Variants in SUGCT observed in about 807,000 individuals in gnomAD.
SUGCT encodes succinyl-CoA:glutarate-CoA transferase.
Under a neutral mutation model 55.0 loss-of-function variants are expected in SUGCT, and 41 were observed. The observed-to-expected ratio is 0.74, with a 90% CI of 0.58 to 0.97. SUGCT has a LOEUF of 0.97. SUGCT is among the 50% of genes least tolerant of loss of function. The pLI, the probability that SUGCT is intolerant of heterozygous loss-of-function variation, is 0.00. For missense variants in SUGCT, 568 were observed against 547.8 expected (o/e 1.04, Z -0.37); for synonymous variants, 187 against 200.4 (o/e 0.93, Z 0.56).
chr7:40,569,529 A>G (rs1370528440), intron 12 of SUGCT, among the ~76,000 whole-genome samples: 2 of 152,168 alleles, frequency 1.3e-5, no homozygotes, highest in Non-Finnish European at 2.9e-5. Context: ...GGTAGCTCTT[A>G]AGGGTGTCAG....
At chr7:40,496,227 A>C in intron 11 of SUGCT, 57 bp from the exon 12 acceptor site, 1 of 1,086,420 alleles carries the variant, frequency 9.2e-7, no homozygotes, top group Middle Eastern at 2.0e-4. Flanking sequence ...ACATGATAGA[A>C]GAGGCTGTGT....
chr7:40,535,879 A>G (rs956303047), intron 12 of SUGCT, among the ~76,000 whole-genome samples: 5 of 152,170 alleles, frequency 3.3e-5, no homozygotes, highest in South Asian at 2.1e-4. Flanking sequence ...GTGAGATGTT[A>G]TCTCATTGTG....
intron 8 of SUGCT, among the ~76,000 whole-genome samples, chr7:40,284,175 A>G (rs1278377591): frequency 1.3e-5 from 2 of 152,142 alleles, no homozygotes; most frequent in African/African-American, 2.4e-5. Context: ...GATGATGGTC[A>G]AAGGGGCAAA....
chr7:41,014,466 C>T, the SUGCT span, among the ~76,000 whole-genome samples: 8 of 152,142 alleles, frequency 5.3e-5, no homozygotes, highest in African/African-American at 1.9e-4. Context: ...GAGAAGGGGC[C>T]TATTATAATC....
At chr7:40,369,526 A>G (rs1784183334) in intron 9 of SUGCT, among the ~76,000 whole-genome samples, 2 of 152,098 alleles carry the variant, frequency 1.3e-5, no homozygotes, top group Admixed American at 1.3e-4. Context: ...CTGGCCCCTT[A>G]TGGAATATTA....
At chr7:40,745,613 C>T (rs1186541870) in intron 12 of SUGCT, among the ~76,000 whole-genome samples, 1 of 152,080 alleles carries the variant, frequency 6.6e-6, no homozygotes, top group Non-Finnish European at 1.5e-5. Flanking sequence ...CAATTCTATT[C>T]TTGTCAAGAA....
chr7:40,522,320 C>A (rs1343166818), intron 12 of SUGCT, among the ~76,000 whole-genome samples: 2 of 152,100 alleles, frequency 1.3e-5, no homozygotes, highest in Non-Finnish European at 2.9e-5. Context: ...TTAGAGAGGT[C>A]TGAGTTTTAG....
At chr7:40,668,520 A>G (rs566478420) in intron 12 of SUGCT, among the ~76,000 whole-genome samples, 2 of 152,326 alleles carry the variant, frequency 1.3e-5, no homozygotes, top group South Asian at 4.1e-4. Flanking sequence ...CAGAATAAAT[A>G]TTTGTACTTT....
At chr7:40,740,305 T>C (rs1482725722) in intron 12 of SUGCT, among the ~76,000 whole-genome samples, 1 of 152,010 alleles carries the variant, frequency 6.6e-6, no homozygotes, top group Non-Finnish European at 1.5e-5. Context: ...AGTATTTTTG[T>C]ATATTTTCTT....
intron 9 of SUGCT, among the ~76,000 whole-genome samples, chr7:40,372,923 G>A (rs977851828): frequency 1.3e-5 from 2 of 151,932 alleles, no homozygotes; most frequent in African/African-American, 4.8e-5. Flanking sequence ...ATATTGATTT[G>A]TCATGAAAAG....
intron 6 of SUGCT, among the ~76,000 whole-genome samples, chr7:40,204,847 T>C (rs1347657454): frequency 2.6e-5 from 4 of 151,262 alleles, no homozygotes; most frequent in South Asian, 4.2e-4. Context: ...GGTGGGAGGA[T>C]CATTTGAGCC....
chr7:40,572,499 C>T (rs1039632848), intron 12 of SUGCT, among the ~76,000 whole-genome samples: 2 of 151,828 alleles, frequency 1.3e-5, no homozygotes, highest in Admixed American at 6.6e-5. Flanking sequence ...AAGGGGAGCA[C>T]GTGCGGTGTG....
intron 12 of SUGCT, among the ~76,000 whole-genome samples, chr7:40,688,148 A>G (rs1784545395): frequency 6.6e-6 from 1 of 152,222 alleles, no homozygotes; most frequent in South Asian, 2.1e-4. Flanking sequence ...TTTGATAAGC[A>G]GAGACCTCGG....
At chr7:41,031,045 TC>T in the SUGCT span, among the ~76,000 whole-genome samples, 1 of 152,172 alleles carries the variant, frequency 6.6e-6, no homozygotes, top group Admixed American at 6.5e-5. Flanking sequence ...CACAGCAACT[TC>T]CGTCTCCCGG....
chr7:40,220,135 G>A (rs1242693899), intron 6 of SUGCT, among the ~76,000 whole-genome samples: 1 of 152,152 alleles, frequency 6.6e-6, no homozygotes, highest in African/African-American at 2.4e-5. Flanking sequence ...GGTATGTGAT[G>A]TTATCTTCCC....
chr7:40,557,807 A>G (rs897110701), intron 12 of SUGCT, among the ~76,000 whole-genome samples: 7 of 151,886 alleles, frequency 4.6e-5, no homozygotes, highest in East Asian at 3.9e-4. Flanking sequence ...AAAAGACACT[A>G]TCTTGCAAAA....
intron 8 of SUGCT, among the ~76,000 whole-genome samples, chr7:40,291,675 A>G (rs913122862): frequency 6.7e-6 from 1 of 149,784 alleles, no homozygotes; most frequent in Non-Finnish European, 1.5e-5. Context: ...ATAAAAAAAT[A>G]TATATATAGT....
intron 9 of SUGCT, among the ~76,000 whole-genome samples, chr7:40,364,870 C>G (rs1002257605): frequency 2.6e-5 from 4 of 152,064 alleles, no homozygotes; most frequent in Admixed American, 6.6e-5. Flanking sequence ...TGAAACTATT[C>G]CAATCAATAG....
chr7:41,028,198 A>AT, the SUGCT span, among the ~76,000 whole-genome samples: 1,922 of 152,362 alleles, frequency 0.013, 40 homozygotes, highest in African/African-American at 0.044. Flanking sequence ...TTACAGCAGC[A>AT]GACCTAGAAG....
Sources: gnomAD v4.1 joint callset for allele counts (sites outside exome capture counted in the v4.1 genomes callset) on GRCh38, gnomAD v4.1.1 for gene constraint, MANE v1.5 for transcripts, NCBI Gene and HGNC (gene_info 2026-07-23, HGNC 2026-07-21) for gene names.